Variants in IL1RAPL2 observed in about 807,000 individuals in gnomAD.
The protein encoded by IL1RAPL2 is interleukin 1 receptor accessory protein like 2.
Under a neutral mutation model 44.1 loss-of-function variants are expected in IL1RAPL2, and 3 were observed. The observed-to-expected ratio is 0.07, with a 90% CI of 0.03 to 0.18. The LOEUF (loss-of-function observed/expected upper bound fraction) is 0.18. Among genes scored for constraint, IL1RAPL2 ranks in the 10% least tolerant of loss-of-function variants. IL1RAPL2 has a pLI of 1.00. For missense variants in IL1RAPL2, 391 were observed against 496.4 expected (o/e 0.79, Z 2.02); for synonymous variants, 181 against 178.8 (o/e 1.01, Z -0.10).
chrX:105,680,723 G>C (rs2037917435), intron 6 of IL1RAPL2, among the ~76,000 whole-genome samples: 1 of 112,033 alleles, frequency 8.9e-6, no homozygotes, highest in Admixed American at 9.5e-5. Context: ...TAAAAGCAGA[G>C]TCTACTAAAT....
At chrX:105,743,568 C>T (rs2038517354) in intron 8 of IL1RAPL2, among the ~76,000 whole-genome samples, 2 of 111,555 alleles carry the variant, frequency 1.8e-5, no homozygotes, top group Non-Finnish European at 3.8e-5. Flanking sequence ...CTTTCATTTT[C>T]TTTTTCTTCT....
intron 4 of IL1RAPL2, among the ~76,000 whole-genome samples, chrX:105,239,445 T>A (rs1210561620): frequency 2.7e-5 from 3 of 111,537 alleles, no homozygotes; most frequent in Admixed American, 9.5e-5. Flanking sequence ...TAACCCATGA[T>A]GTAGATTAAA....
chrX:105,202,141 G>A (rs1462357563), intron 3 of IL1RAPL2, among the ~76,000 whole-genome samples: 1 of 111,676 alleles, frequency 9.0e-6, no homozygotes, highest in Admixed American at 9.5e-5. Context: ...CCATACTATT[G>A]TACATTAACT....
chrX:105,538,250 A>T (rs1040431075), intron 6 of IL1RAPL2, among the ~76,000 whole-genome samples: 2 of 108,593 alleles, frequency 1.8e-5, no homozygotes, highest in African/African-American at 6.7e-5. Flanking sequence ...GTTAACCAGG[A>T]TGATCTCGAT....
chrX:104,733,057 T>C (rs1402143493), intron 2 of IL1RAPL2, among the ~76,000 whole-genome samples: 1 of 111,547 alleles, frequency 9.0e-6, no homozygotes, highest in Non-Finnish European at 1.9e-5. Flanking sequence ...AAGCACTTAA[T>C]ATAATTCAAT....
chrX:105,005,697 C>T (rs998196156), intron 2 of IL1RAPL2, among the ~76,000 whole-genome samples: 23 of 110,538 alleles, frequency 2.1e-4, no homozygotes, highest in Non-Finnish European at 1.7e-4. Context: ...CTAGTCCTCA[C>T]AAAAATTCTC....
At chrX:104,816,928 C>T (rs915186322) in intron 2 of IL1RAPL2, among the ~76,000 whole-genome samples, 2 of 112,640 alleles carry the variant, frequency 1.8e-5, no homozygotes, top group South Asian at 7.3e-4. Context: ...ACTAAGAAAT[C>T]AACTTGCAAA....
chrX:105,738,718 G>A (rs777937924), intron 7 of IL1RAPL2, among the ~76,000 whole-genome samples: 57 of 111,002 alleles, frequency 5.1e-4, no homozygotes, highest in African/African-American at 1.8e-3. Flanking sequence ...GTAGCTGGTC[G>A]TTGTTGACAG....
chrX:105,524,770 G>A (rs1648457415), intron 6 of IL1RAPL2, among the ~76,000 whole-genome samples: 1 of 110,842 alleles, frequency 9.0e-6, no homozygotes, highest in Admixed American at 9.7e-5. Flanking sequence ...AGGACTACCT[G>A]TGGTTAAATT....
intron 6 of IL1RAPL2, among the ~76,000 whole-genome samples, chrX:105,662,035 T>G (rs1300036281): frequency 8.9e-6 from 1 of 112,505 alleles, no homozygotes; most frequent in East Asian, 2.8e-4. Context: ...GCCAGTTGTC[T>G]AATTACACTG....
chrX:104,877,244 C>T (rs1922931377), intron 2 of IL1RAPL2, among the ~76,000 whole-genome samples: 1 of 111,276 alleles, frequency 9.0e-6, no homozygotes, highest in Admixed American at 9.6e-5. Context: ...GGTATATACC[C>T]AGTAATGGGA....
chrX:104,788,439 A>G (rs764094534), intron 2 of IL1RAPL2, among the ~76,000 whole-genome samples: 2 of 112,283 alleles, frequency 1.8e-5, no homozygotes, highest in South Asian at 7.4e-4. Flanking sequence ...AACTAGTACT[A>G]TACATAACAA....
At chrX:104,675,047 C>A (rs1208011881) in intron 2 of IL1RAPL2, among the ~76,000 whole-genome samples, 11 of 110,901 alleles carry the variant, frequency 9.9e-5, no homozygotes, top group African/African-American at 3.0e-4. Context: ...TTCAAAAAAC[C>A]AGCTCCTGGA....
At position 105,021,160 on chromosome X, in the gene IL1RAPL2, G is replaced by A. The variant is rs182369375; in HGVS notation, c.83-174315G>A. 1.6e-4 allele frequency among the ~76,000 whole-genome samples: 18 copies of A among 111,373 alleles called. No individual in the cohort carries two copies. The Admixed American group carries it at 1.7e-3, about 11-fold the overall frequency. On this transcript the variant is annotated intron_variant, in intron 2 of 10. Transcript: ENST00000372582. ...TGAGATGTACTTAAGTGAAAGTTCTGGTTTGCATCCAATTGTAATGCAAGG... is the reference window on the plus strand; with the variant it reads ...TGAGATGTACTTAAGTGAAAGTTCTAGTTTGCATCCAATTGTAATGCAAGG...
intron 2 of IL1RAPL2, among the ~76,000 whole-genome samples, chrX:104,856,291 C>T (rs186793755): frequency 4.5e-5 from 5 of 111,733 alleles, no homozygotes; most frequent in East Asian, 2.8e-4. Flanking sequence ...TTTCAGTTAC[C>T]TTGTATTCAA....
intron 6 of IL1RAPL2, among the ~76,000 whole-genome samples, chrX:105,552,373 C>T (rs1054864923): frequency 1.8e-5 from 2 of 112,297 alleles, no homozygotes; most frequent in Non-Finnish European, 3.8e-5. Flanking sequence ...ACTAACCACA[C>T]TTGCATTTTC....
intron 2 of IL1RAPL2, among the ~76,000 whole-genome samples, chrX:104,971,342 T>C (rs2030231976): frequency 9.0e-6 from 1 of 111,247 alleles, no homozygotes; most frequent in Non-Finnish European, 1.9e-5. Context: ...AGCGAGACTC[T>C]GTCTCAAAAA....
At chrX:105,740,715 T>A in intron 8 of IL1RAPL2, 24 bp downstream of exon 8, 1 of 1,176,829 alleles carries the variant, frequency 8.5e-7, no homozygotes, top group Non-Finnish European at 1.2e-6. Flanking sequence ...TAACTATAAC[T>A]ATGGTTTGCT....
rs1286079899 is a variant in IL1RAPL2, at chrX:104,586,237, T to C, written c.-20+19186T>C. On this transcript the variant is annotated intron_variant, in intron 1 of 10. Transcript: ENST00000372582. ...TTTTCATATGCTTGTTGGCCACATG[T>C]ATGTCTTCTTTTGAAAAGTGTCTGT... is the stretch of plus-strand genomic sequence containing the variant. 2.7e-5 allele frequency among the ~76,000 whole-genome samples: 3 copies of C among 111,758 alleles called. No homozygotes were observed. The Admixed American group carries it at 2.9e-4, about 11-fold the overall frequency.
Sources: allele counts gnomAD v4.1 joint callset (sites outside exome capture counted in the v4.1 genomes callset), GRCh38; gene constraint gnomAD v4.1.1; transcripts MANE v1.5; gene names NCBI Gene and HGNC (gene_info 2026-07-23, HGNC 2026-07-21).